The following TYW1 variants were observed in gnomAD, a reference collection of about 807,000 sequenced individuals.
The protein encoded by TYW1 is tRNA-yW synthesizing protein 1 homolog.
In TYW1, 46 loss-of-function variants were observed where a neutral mutation model predicts 96.2. That is an observed-to-expected ratio of 0.48 (90% CI 0.38 to 0.61). The LOEUF is 0.61. Ranked by LOEUF, TYW1 falls within the 20% of genes least tolerant of loss-of-function variation. The pLI is 0.00. For synonymous variants in TYW1, 274 were observed against 323.0 expected (o/e 0.85, Z 1.63); for missense variants, 684 against 909.6 (o/e 0.75, Z 3.19).
intron 8 of TYW1, among the ~76,000 whole-genome samples, chr7:67,053,536 C>T (rs183819832): frequency 3.3e-5 from 5 of 152,168 alleles, no homozygotes; most frequent in East Asian, 1.9e-4. Context: ...TACGCCACCA[C>T]GCCTGGCTAA....
chr7:67,076,437 A>G (rs1796208660), intron 10 of TYW1, among the ~76,000 whole-genome samples: 1 of 152,186 alleles, frequency 6.6e-6, no homozygotes, highest in Admixed American at 6.5e-5. Flanking sequence ...AGCAAAAGCC[A>G]ATGATTTATA....
Position 67,017,864 on chromosome 7 carries a change from T to C in TYW1, c.582T>C (p.Asn194=), listed in dbSNP as rs1794079082. Residue 194 remains asparagine, a synonymous_variant, in exon 6 of 16, where the codon AAT becomes AAC. Coordinates refer to ENST00000359626, the MANE Select transcript of TYW1 (RefSeq NM_018264.4). ...YASHFNKVGK[N]VDKWLWMLGA... ...TCTTTTCCTCACAGGTTGGCAAAAA[T>C]GTTGACAAGTGGCTCTGGATGCTTG... The C allele has an allele frequency of 6.2e-7, 1 of 1,610,684 alleles. No homozygotes were observed. Among genetic ancestry groups the C allele is most frequent in the South Asian group, 1.1e-5 (1 of 91,016 alleles).
At chr7:67,157,224 T>G (rs138666061) in intron 13 of TYW1, among the ~76,000 whole-genome samples, 65 of 152,342 alleles carry the variant, frequency 4.3e-4, no homozygotes, top group African/African-American at 1.6e-3. Flanking sequence ...ACACACCGTT[T>G]CTGTTATTGT....
chr7:67,040,016 G>C (rs1794964736), intron 7 of TYW1, among the ~76,000 whole-genome samples: 1 of 151,546 alleles, frequency 6.6e-6, no homozygotes, highest in South Asian at 2.1e-4. Context: ...GAGTGCAGTG[G>C]TGCAATCTTG....
chr7:67,019,681 G>C (rs1371825603), intron 6 of TYW1, among the ~76,000 whole-genome samples: 2 of 152,278 alleles, frequency 1.3e-5, no homozygotes, highest in Admixed American at 1.3e-4. Flanking sequence ...CAAAATGAGG[G>C]CAGCTGTCTC....
chr7:67,152,579 C>T (rs1220614024), intron 13 of TYW1, among the ~76,000 whole-genome samples: 1 of 152,116 alleles, frequency 6.6e-6, no homozygotes, highest in South Asian at 2.1e-4. Context: ...GTGCTGCTTA[C>T]ACATATTCAC....
intron 7 of TYW1, among the ~76,000 whole-genome samples, chr7:67,048,099 A>G (rs1319749651): frequency 0.038 from 1 of 26 alleles, no homozygotes; most frequent in African/African-American, 0.1. Context: ...CATATGGGGG[A>G]CATTGAATGT....
intron 13 of TYW1, among the ~76,000 whole-genome samples, chr7:67,124,826 GTTTA>G (rs1193842665): frequency 6.6e-6 from 1 of 151,756 alleles, no homozygotes; most frequent in Admixed American, 6.6e-5. Flanking sequence ...GTCTTTACCA[GTTTA>G]TTTATTTTAT....
intron 15 of TYW1, among the ~76,000 whole-genome samples, chr7:67,215,259 A>C (rs1036328839): frequency 9.9e-5 from 15 of 151,464 alleles, no homozygotes; most frequent in African/African-American, 2.7e-4. Context: ...CCTGCTGTAG[A>C]CCCACATTAG....
intron 15 of TYW1, among the ~76,000 whole-genome samples, chr7:67,214,372 T>C (rs188678216): frequency 6.6e-6 from 1 of 152,190 alleles, no homozygotes; most frequent in Non-Finnish European, 1.5e-5. Context: ...CTATAATCAC[T>C]TGTTAGTTCC....
intron 13 of TYW1, among the ~76,000 whole-genome samples, chr7:67,136,031 C>T (rs1465308231): frequency 6.6e-6 from 1 of 152,124 alleles, no homozygotes; most frequent in Non-Finnish European, 1.5e-5. Context: ...AGATATTGTT[C>T]ACCTTGTTTT....
intron 6 of TYW1, 89 bp from the exon 7 acceptor site, chr7:67,024,811 C>T (rs1794395119): frequency 6.6e-7 from 1 of 1,517,754 alleles, no homozygotes. Flanking sequence ...AATTTAGAGA[C>T]ATAGTGAATT....
intron 13 of TYW1, among the ~76,000 whole-genome samples, chr7:67,163,144 A>G (rs1162404588): frequency 2.6e-5 from 4 of 152,108 alleles, no homozygotes; most frequent in Non-Finnish European, 4.4e-5. Flanking sequence ...TTTTCATACT[A>G]TGGACTGTCT....
intron 7 of TYW1, among the ~76,000 whole-genome samples, chr7:67,038,353 C>A (rs1283748615): frequency 6.6e-6 from 1 of 151,926 alleles, no homozygotes; most frequent in African/African-American, 2.4e-5. Context: ...TTCCTGTAAT[C>A]CCAGAACTTT....
At chr7:67,181,835 A>G (rs1267496312) in intron 13 of TYW1, among the ~76,000 whole-genome samples, 1 of 151,702 alleles carries the variant, frequency 6.6e-6, no homozygotes, top group Non-Finnish European at 1.5e-5. Flanking sequence ...TCTTCTTCTT[A>G]TTTTTATTTA....
chr7:67,117,941 C>G (rs1191165991), intron 13 of TYW1, among the ~76,000 whole-genome samples: 1 of 152,050 alleles, frequency 6.6e-6, no homozygotes, highest in African/African-American at 2.4e-5. Context: ...GAACCAATTC[C>G]CCATAGATAC....
intron 13 of TYW1, among the ~76,000 whole-genome samples, chr7:67,177,714 C>G (rs1329557112): frequency 1.3e-5 from 2 of 152,194 alleles, no homozygotes; most frequent in African/African-American, 4.8e-5. Flanking sequence ...AACCAAAACT[C>G]TGATACAACG....
At chr7:67,161,860 C>A (rs1799172277) in intron 13 of TYW1, among the ~76,000 whole-genome samples, 1 of 152,086 alleles carries the variant, frequency 6.6e-6, no homozygotes, top group African/African-American at 2.4e-5. Context: ...TACCCCCAGG[C>A]ATATCTTGTC....
chr7:67,183,819 ATATTTTATTT>A lies in TYW1; in HGVS notation c.1809+600_1809+609del, dbSNP rs10644987. Among the ~76,000 whole-genome samples the A allele has an allele frequency of 5.3e-5, 8 of 151,370 alleles. No homozygotes were observed. In the South Asian group the frequency reaches 6.3e-4, roughly 12 times the overall value. On this transcript the variant is annotated intron_variant, in intron 14 of 15. Coordinates refer to ENST00000359626, the MANE Select transcript of TYW1 (RefSeq NM_018264.4). ...ACTCTTATTTTATTTACTTTATTTC[ATATTTTATTT>A]TATTTTATTTTATTTTGAGACAAGG...
Sources: allele counts gnomAD v4.1 joint callset (sites outside exome capture counted in the v4.1 genomes callset), GRCh38; gene constraint gnomAD v4.1.1; transcripts MANE v1.5; gene names NCBI Gene and HGNC (gene_info 2026-07-23, HGNC 2026-07-21).